Variants in CDH13 observed in about 807,000 individuals in gnomAD.
The protein encoded by CDH13 is cadherin-13.
A neutral mutation model predicts 63.8 loss-of-function variants in CDH13; 24 were observed. The ratio of observed to expected loss-of-function variants is 0.38; its 90% CI spans 0.27 to 0.53. The LOEUF is 0.53. Ranked by LOEUF, CDH13 falls within the 20% of genes least tolerant of loss-of-function variation. The pLI is 0.85. For missense variants in CDH13, 1,049 were observed against 903.1 expected (o/e 1.16, Z -2.07); for synonymous variants, 503 against 355.3 (o/e 1.42, Z -4.67).
chr16:82,760,907 C>G (rs935947106), intron 1 of CDH13, among the ~76,000 whole-genome samples: 1 of 151,528 alleles, frequency 6.6e-6, no homozygotes, highest in Non-Finnish European at 1.5e-5. Flanking sequence ...GGAGAACTCA[C>G]TCATGATCGC....
At chr16:83,472,296 T>G (rs900257267) in intron 6 of CDH13, among the ~76,000 whole-genome samples, 4 of 152,190 alleles carry the variant, frequency 2.6e-5, no homozygotes, top group Non-Finnish European at 5.9e-5. Context: ...TGAGTCTGGA[T>G]GGGAGGCCAG....
At chr16:83,352,202 GACC>G (rs1196517837) in intron 6 of CDH13, among the ~76,000 whole-genome samples, 1 of 149,146 alleles carries the variant, frequency 6.7e-6, no homozygotes, top group African/African-American at 2.5e-5. Context: ...GTGTTTAGGT[GACC>G]ATAAAACACG....
At chr16:83,218,997 G>T (rs1013229329) in intron 5 of CDH13, among the ~76,000 whole-genome samples, 4 of 152,172 alleles carry the variant, frequency 2.6e-5, no homozygotes, top group African/African-American at 9.7e-5. Context: ...CCCCAGCCAT[G>T]TGGAACTGTG....
chr16:82,877,036 A>G (rs1307224221), intron 2 of CDH13, among the ~76,000 whole-genome samples: 1 of 152,238 alleles, frequency 6.6e-6, no homozygotes, highest in East Asian at 1.9e-4. Flanking sequence ...ACAAGACTAC[A>G]TTTATGAGAA....
chr16:83,529,012 T>C (rs868233186), intron 7 of CDH13, among the ~76,000 whole-genome samples: 2 of 152,162 alleles, frequency 1.3e-5, no homozygotes, highest in South Asian at 4.1e-4. Flanking sequence ...GGATTCAGTT[T>C]AGGGAGTATG....
intron 2 of CDH13, among the ~76,000 whole-genome samples, chr16:82,992,395 G>A (rs991021447): frequency 6.6e-6 from 1 of 152,164 alleles, no homozygotes; most frequent in Non-Finnish European, 1.5e-5. Context: ...AGTTAAATAT[G>A]TGTATATATA....
At chr16:83,717,334 C>T (rs980324519) in intron 10 of CDH13, among the ~76,000 whole-genome samples, 1 of 152,210 alleles carries the variant, frequency 6.6e-6, no homozygotes, top group Admixed American at 6.5e-5. Flanking sequence ...CTAATCTCCC[C>T]TGACTTCTTC....
At chr16:83,231,667 C>T (rs1216468448) in intron 5 of CDH13, among the ~76,000 whole-genome samples, 3 of 152,174 alleles carry the variant, frequency 2.0e-5, no homozygotes, top group African/African-American at 7.2e-5. Context: ...CCTGCAGCTG[C>T]AGAGTTGAAT....
At chr16:83,237,347 C>T (rs980219464) in intron 5 of CDH13, among the ~76,000 whole-genome samples, 15 of 152,170 alleles carry the variant, frequency 9.9e-5, no homozygotes, top group African/African-American at 3.4e-4. Flanking sequence ...CGAAACTAAG[C>T]TTAACTTCTG....
chr16:83,069,728 C>T (rs1305171748), intron 3 of CDH13, among the ~76,000 whole-genome samples: 1 of 152,186 alleles, frequency 6.6e-6, no homozygotes. Context: ...CCCAAAGGCT[C>T]ACTCTGACAC....
At chr16:83,044,964 C>A (rs1000248136) in intron 3 of CDH13, among the ~76,000 whole-genome samples, 3 of 152,180 alleles carry the variant, frequency 2.0e-5, no homozygotes, top group Non-Finnish European at 4.4e-5. Flanking sequence ...TGCTTCTACC[C>A]TCCTATCTCT....
At position 83,138,759 on chromosome 16, in the gene CDH13, CTGAGAAAACCAGGA is replaced by C. The variant is rs547856760; in HGVS notation, c.483+13259_483+13272del. ...TGTTACGCTGGGTAACACCTGAAGG[CTGAGAAAACCAGGA>C]GCAGGGGTGACAAAGAGGGAGGCTG... On this transcript the variant is annotated intron_variant, in intron 4 of 13. Transcript: ENST00000567109. 1.8e-3 allele frequency among the ~76,000 whole-genome samples: 271 copies of C among 152,140 alleles called. 1 individual carries two copies. The highest frequency in any genetic ancestry group is 5.6e-3 in the African/African-American group (231 of 41,514).
chr16:83,217,544 T>G, intron 5 of CDH13, 47 bp downstream of exon 5: 2 of 1,578,698 alleles, frequency 1.3e-6, no homozygotes, highest in Non-Finnish European at 1.7e-6. Flanking sequence ...AAATGTGGCT[T>G]TCAAAGATTG....
In CDH13 at chr16:83,189,025, T is replaced by A. The variant is rs557894202; in HGVS notation, c.484-28320T>A. Among the ~76,000 whole-genome samples the A allele has an allele frequency of 1.2e-4, 19 of 152,318 alleles. No individual in the cohort carries two copies. In the East Asian group the frequency reaches 3.1e-3, roughly 25 times the overall value. The stretch of plus-strand genomic sequence containing the variant: ...ACATCTACTCATCCTGCATTAGTAA[T>A]ATGGGCATGGTGCATTTTCTGTATT... On this transcript the variant is annotated intron_variant, in intron 4 of 13. Transcript: ENST00000567109.
intron 2 of CDH13, among the ~76,000 whole-genome samples, chr16:82,944,054 C>T (rs1047623726): frequency 6.6e-6 from 1 of 152,152 alleles, no homozygotes; most frequent in African/African-American, 2.4e-5. Flanking sequence ...TATTTAATGT[C>T]TCTTGATCTC....
intron 2 of CDH13, among the ~76,000 whole-genome samples, chr16:82,936,676 T>C (rs993368339): frequency 2.0e-5 from 3 of 152,182 alleles, no homozygotes; most frequent in African/African-American, 7.2e-5. Flanking sequence ...GATCGTAACG[T>C]TCATATTGAA....
chr16:83,555,869 C>T (rs1007715151), intron 7 of CDH13, among the ~76,000 whole-genome samples: 25 of 152,170 alleles, frequency 1.6e-4, no homozygotes, highest in African/African-American at 6.0e-4. Context: ...ATGACATATC[C>T]ATGCAAGAGT....
chr16:83,274,900 C>A (rs561544766), intron 5 of CDH13, among the ~76,000 whole-genome samples: 1 of 152,282 alleles, frequency 6.6e-6, no homozygotes, highest in South Asian at 2.1e-4. Flanking sequence ...AAAATCCAGT[C>A]TTTATTCCAT....
intron 2 of CDH13, among the ~76,000 whole-genome samples, chr16:82,927,859 T>A (rs1270157947): frequency 6.6e-6 from 1 of 152,230 alleles, no homozygotes; most frequent in East Asian, 1.9e-4. Flanking sequence ...AGTTACTGAA[T>A]ATTGAGAGAA....
Sources: allele counts gnomAD v4.1 joint callset (sites outside exome capture counted in the v4.1 genomes callset), GRCh38; gene constraint gnomAD v4.1.1; transcripts MANE v1.5; gene names NCBI Gene and HGNC (gene_info 2026-07-23, HGNC 2026-07-21).